Variants in ADGRV1 observed in about 807,000 individuals in gnomAD.
ADGRV1 encodes G-protein coupled receptor 98.
ADGRV1 carries 359 observed loss-of-function variants against 596.2 expected under a neutral mutation model. That is an observed-to-expected ratio of 0.60 (90% CI 0.55 to 0.66). The LOEUF (loss-of-function observed/expected upper bound fraction) is 0.66, where lower values mean the gene tolerates loss of function less well. Ranked by LOEUF, ADGRV1 falls within the 30% of genes least tolerant of loss-of-function variation. The pLI is 0.00. For synonymous variants in ADGRV1, 2,681 were observed against 2,679.2 expected, an observed-to-expected ratio of 1.00 and a Z score of -0.02; for missense variants, 7,274 against 7,575.6, an observed-to-expected ratio of 0.96 and a Z score of 1.48.
At chr5:90,829,742 T>C (rs1764370537) in intron 77 of ADGRV1, among the ~76,000 whole-genome samples, 1 of 152,274 alleles carries the variant, frequency 6.6e-6, no homozygotes, top group East Asian at 1.9e-4. Flanking sequence ...GACCGTGGGC[T>C]TGGCCCCAAC....
At chr5:90,978,219 C>T (rs1257488371) in intron 84 of ADGRV1, among the ~76,000 whole-genome samples, 8 of 151,858 alleles carry the variant, frequency 5.3e-5, no homozygotes, top group Admixed American at 1.3e-4. Flanking sequence ...GGCGTGAACC[C>T]GGGAGGCGGA....
At chr5:90,904,720 G>A (rs1772160572) in intron 83 of ADGRV1, among the ~76,000 whole-genome samples, 2 of 151,876 alleles carry the variant, frequency 1.3e-5, no homozygotes, top group South Asian at 4.1e-4. Flanking sequence ...CCCTTGCTGT[G>A]CAGAAGCTTT....
intron 84 of ADGRV1, among the ~76,000 whole-genome samples, chr5:90,973,187 C>T (rs968032380): frequency 2.6e-5 from 4 of 152,038 alleles, no homozygotes; most frequent in African/African-American, 7.2e-5. Flanking sequence ...CAATAACAGG[C>T]TCTGAAATTG....
chr5:90,878,503 G>A (rs1561885854), intron 83 of ADGRV1, among the ~76,000 whole-genome samples: 2 of 152,176 alleles, frequency 1.3e-5, no homozygotes, highest in African/African-American at 4.8e-5. Flanking sequence ...TTGTATGTTT[G>A]TGATTCCCGA....
intron 11 of ADGRV1, chr5:90,640,950 T>A (rs191079960): frequency 6.5e-6 from 1 of 152,752 alleles, no homozygotes; most frequent in Non-Finnish European, 1.5e-5. Context: ...AGACTGCTGT[T>A]CTGCATGATT....
chr5:91,007,801 T>A (rs6886773), intron 85 of ADGRV1, among the ~76,000 whole-genome samples: 33,604 of 152,096 alleles, frequency 0.22, 4,120 homozygotes, highest in Non-Finnish European at 0.28. Flanking sequence ...TCACCAGAAT[T>A]ACCCATTCGT....
chr5:91,064,787 T>C (rs1355118434), intron 85 of ADGRV1, among the ~76,000 whole-genome samples: 1 of 152,364 alleles, frequency 6.6e-6, no homozygotes, highest in East Asian at 1.9e-4. Flanking sequence ...TTTTCTCTGA[T>C]GTTTTCATAA....
intron 10 of ADGRV1, among the ~76,000 whole-genome samples, 173 bp downstream of exon 10, chr5:90,635,463 A>G (rs115431763): frequency 2.7e-3 from 406 of 152,342 alleles, no homozygotes; most frequent in African/African-American, 9.3e-3. Flanking sequence ...TGATTTTTCC[A>G]TCATCGTTTA....
At chr5:90,818,782 A>G (rs1390996039) in intron 75 of ADGRV1, among the ~76,000 whole-genome samples, 1 of 151,640 alleles carries the variant, frequency 6.6e-6, no homozygotes, top group Non-Finnish European at 1.5e-5. Flanking sequence ...ATCATGGTGG[A>G]TAAGCTTTTT....
intron 86 of ADGRV1, among the ~76,000 whole-genome samples, chr5:91,078,279 G>T (rs772178385): frequency 3.9e-5 from 6 of 152,126 alleles, no homozygotes; most frequent in African/African-American, 1.4e-4. Flanking sequence ...AAAGTTGAGT[G>T]CCTTTTTTAC....
chr5:91,020,717 G>C (rs975542385), intron 85 of ADGRV1, among the ~76,000 whole-genome samples: 1 of 151,976 alleles, frequency 6.6e-6, no homozygotes, highest in African/African-American at 2.4e-5. Flanking sequence ...ATCTCAGTTG[G>C]AAGGCATGCG....
chr5:90,930,341 CAG>C (rs1382021115), intron 83 of ADGRV1, among the ~76,000 whole-genome samples: 2 of 152,024 alleles, frequency 1.3e-5, no homozygotes, highest in Non-Finnish European at 2.9e-5. Flanking sequence ...AAGAAACAAA[CAG>C]AAATAGTGAA....
intron 83 of ADGRV1, among the ~76,000 whole-genome samples, chr5:90,872,136 T>C (rs1175617666): frequency 6.6e-6 from 1 of 152,068 alleles, no homozygotes; most frequent in East Asian, 1.9e-4. Flanking sequence ...GAGGGGAGAA[T>C]TTGGGGCCCC....
At chr5:91,035,845 T>TGTATATATATATATATA (rs1562121481) in intron 85 of ADGRV1, among the ~76,000 whole-genome samples, 18 of 32,474 alleles carry the variant, frequency 5.5e-4, no homozygotes, top group South Asian at 1.5e-3. Flanking sequence ...AATGAGTGTG[T>TGTATATATATATATATA]ATATATATAT....
chr5:91,152,605 C>A (rs1325702778), intron 88 of ADGRV1, among the ~76,000 whole-genome samples: 1 of 152,166 alleles, frequency 6.6e-6, no homozygotes, highest in Non-Finnish European at 1.5e-5. Context: ...CAGGGAGAGA[C>A]ATAATTTTCT....
In ADGRV1 at chr5:90,777,765, A is replaced by G. The variant is rs564905976; in HGVS notation, c.12528-140A>G. Reference sequence around the variant, plus strand: ...AACTTTAAGACTTCCTTTGGTTTATAGTTTGGTAAATGAGGTTATTTAAAA... The same window carrying G: ...AACTTTAAGACTTCCTTTGGTTTATGGTTTGGTAAATGAGGTTATTTAAAA... On this transcript the variant is annotated intron_variant, in intron 61 of 89. Transcript: ENST00000405460. 51 of 714,178 alleles carry G rather than the reference A, an allele frequency of 7.1e-5. 1 individual carries two copies. In the East Asian group the frequency reaches 1.0e-3, roughly 14 times the overall value. The allele number at this position is 714,178 out of a possible 1,614,324, so 44.2% of individuals were successfully genotyped here.
intron 83 of ADGRV1, among the ~76,000 whole-genome samples, chr5:90,925,337 G>C (rs551615568): frequency 0.014 from 2,124 of 150,858 alleles, 22 homozygotes; most frequent in Non-Finnish European, 0.018. Context: ...TCCTTGAAGA[G>C]GTCCTTCACA....
At chr5:90,734,849 G>A (rs1314053345) in intron 50 of ADGRV1, among the ~76,000 whole-genome samples, 2 of 152,054 alleles carry the variant, frequency 1.3e-5, no homozygotes, top group Non-Finnish European at 2.9e-5. Flanking sequence ...TGAGCCCCTG[G>A]GCCCGGCCTA....
chr5:90,894,916 AG>A (rs373007215), intron 83 of ADGRV1, among the ~76,000 whole-genome samples: 6 of 152,018 alleles, frequency 3.9e-5, no homozygotes, highest in African/African-American at 1.4e-4. Context: ...GTATTTATTA[AG>A]TTTCTCTTTT....
Sources: gnomAD v4.1 joint callset for allele counts (sites outside exome capture counted in the v4.1 genomes callset) on GRCh38, gnomAD v4.1.1 for gene constraint, MANE v1.5 for transcripts, NCBI Gene and HGNC (gene_info 2026-07-23, HGNC 2026-07-21) for gene names.